ST7: variants seen among roughly 807,000 people sequenced by gnomAD.
The protein encoded by ST7 is suppressor of tumorigenicity 7 protein.
Under a neutral mutation model 78.7 loss-of-function variants are expected in ST7, and 28 were observed. The observed-to-expected ratio is 0.36, with a 90% CI of 0.26 to 0.49. The LOEUF is 0.49. Among genes scored for constraint, ST7 ranks in the 20% least tolerant of loss-of-function variants. The pLI is 0.99. For missense variants in ST7, 418 were observed against 696.0 expected (o/e 0.60, Z 4.49); for synonymous variants, 247 against 249.6 (o/e 0.99, Z 0.10).
chr7:117,098,698 A>G, intron 1 of ST7: 1 of 1,083,536 alleles, frequency 9.2e-7, no homozygotes, highest in African/African-American at 1.7e-5. Flanking sequence ...CTCAGGACAG[A>G]TGCCAAAGCC....
At chr7:117,213,067 C>G (rs916203672) in intron 13 of ST7, among the ~76,000 whole-genome samples, 2 of 152,178 alleles carry the variant, frequency 1.3e-5, no homozygotes, top group Non-Finnish European at 2.9e-5. Context: ...ATACTGAATG[C>G]CATACCCCAC....
At chr7:117,019,026 T>A (rs1228044665) in intron 1 of ST7, among the ~76,000 whole-genome samples, 1 of 152,178 alleles carries the variant, frequency 6.6e-6, no homozygotes, top group East Asian at 1.9e-4. Context: ...ACTAATGATA[T>A]TTTTAGATGT....
intron 1 of ST7, among the ~76,000 whole-genome samples, chr7:116,997,625 C>T (rs990088857): frequency 6.6e-6 from 1 of 151,948 alleles, no homozygotes; most frequent in African/African-American, 2.4e-5. Flanking sequence ...TCCAAGTCTC[C>T]ACTAGATTAG....
chr7:116,953,842 G>A, intron 1 of ST7, 151 bp downstream of exon 1: 1 of 376,076 alleles, frequency 2.7e-6, no homozygotes, highest in Non-Finnish European at 3.6e-6. Context: ...GCAACGCGGC[G>A]GCTTAGGCGG....
At chr7:117,214,431 T>C (rs755971794) in intron 13 of ST7, among the ~76,000 whole-genome samples, 8 of 152,188 alleles carry the variant, frequency 5.3e-5, no homozygotes, top group Non-Finnish European at 1.2e-4. Flanking sequence ...TTCTAATTTA[T>C]TCTCTTTGAA....
At chr7:117,012,435 C>T (rs1325703109) in intron 1 of ST7, among the ~76,000 whole-genome samples, 1 of 152,070 alleles carries the variant, frequency 6.6e-6, no homozygotes, top group Non-Finnish European at 1.5e-5. Flanking sequence ...TGCCTCAGTT[C>T]TTCATCTCTA....
chr7:117,122,380 G>T (rs939523283), intron 3 of ST7, among the ~76,000 whole-genome samples: 6 of 151,994 alleles, frequency 3.9e-5, no homozygotes, highest in Admixed American at 2.0e-4. Context: ...TAGACACAAG[G>T]TTCTGCAATT....
intron 12 of ST7, among the ~76,000 whole-genome samples, chr7:117,195,154 T>TA (rs3840661): frequency 1.4e-4 from 21 of 151,566 alleles, no homozygotes; most frequent in South Asian, 8.3e-4. Flanking sequence ...TTTTACTATT[T>TA]AAAAAAAAAT....
intron 9 of ST7, among the ~76,000 whole-genome samples, chr7:117,161,591 CTT>C (rs60505994): frequency 4.6e-4 from 52 of 113,584 alleles, no homozygotes; most frequent in African/African-American, 1.6e-3. Flanking sequence ...TTCTTTCTTT[CTT>C]TTTTTTTTTT....
intron 1 of ST7, among the ~76,000 whole-genome samples, chr7:117,067,689 A>G (rs1314841983): frequency 4.6e-5 from 7 of 152,162 alleles, no homozygotes; most frequent in Admixed American, 4.6e-4. Flanking sequence ...GACGATGCAA[A>G]GATGGACACA....
At chr7:117,014,951 C>T in intron 1 of ST7, 1 of 1,326,382 alleles carries the variant, frequency 7.5e-7, no homozygotes, top group South Asian at 2.3e-5. Context: ...CATTTTCTGG[C>T]TGATAGAGTT....
rs199932226 is a variant in ST7, at chr7:117,219,073, C to T, written c.1406-11C>T. On this transcript the variant is annotated splice_polypyrimidine_tract_variant and intron_variant, in intron 13 of 15. Transcript: ENST00000323984. The surrounding 1 kb of genome is among the most constrained non-coding windows in gnomAD (Gnocchi z 5.1). ...ATTGGACATCTCTGACATATTTTTT[C>T]TCGTTTTCAGCTTTTCGGATGATCC... The T allele has an allele frequency of 2.7e-4, 432 of 1,601,518 alleles. 3 individuals are homozygous for T. In the African/African-American group the frequency reaches 5.2e-3, roughly 19 times the overall value.
chr7:116,995,333 A>C, intron 1 of ST7, among the ~76,000 whole-genome samples: 1 of 152,332 alleles, frequency 6.6e-6, no homozygotes, highest in Middle Eastern at 3.4e-3. Flanking sequence ...TTTTATGGTA[A>C]TGTACATATA....
intron 1 of ST7, among the ~76,000 whole-genome samples, chr7:117,077,621 A>T (rs1799444154): frequency 6.6e-6 from 1 of 152,216 alleles, no homozygotes; most frequent in African/African-American, 2.4e-5. Context: ...AATAGGTGTT[A>T]TAATGCAAGC....
chr7:117,117,218 C>G (rs1056829729), intron 2 of ST7, among the ~76,000 whole-genome samples: 2 of 152,138 alleles, frequency 1.3e-5, no homozygotes, highest in Non-Finnish European at 2.9e-5. Context: ...AGCGCTGACA[C>G]TTTATGATTC....
At chr7:117,045,046 C>T in intron 1 of ST7, among the ~76,000 whole-genome samples, 1 of 152,166 alleles carries the variant, frequency 6.6e-6, no homozygotes, top group Non-Finnish European at 1.5e-5. Context: ...ATTTCTGACA[C>T]TCCACATGCA....
At chr7:117,105,945 G>A (rs1801917866) in intron 2 of ST7, among the ~76,000 whole-genome samples, 1 of 152,092 alleles carries the variant, frequency 6.6e-6, no homozygotes, top group Admixed American at 6.5e-5. Flanking sequence ...GAAGAAAATC[G>A]AGACTAACAG....
rs1176304397 is a variant in ST7, at chr7:117,064,072, TC to T, written c.152-35689del. ...ATATAGCATTTATTTAAAGGCATTT[TC>T]TATTTTATTACCTTTGGTTTTTTTA... On this transcript the variant is annotated intron_variant, in intron 1 of 15. Coordinates refer to ENST00000323984, the MANE Select transcript of ST7 (RefSeq NM_001369598.1). 4.6e-5 allele frequency among the ~76,000 whole-genome samples: 7 copies of T among 152,342 alleles called. No individual in the cohort carries two copies. The East Asian group carries it at 9.6e-4, about 21-fold the overall frequency.
intron 1 of ST7, among the ~76,000 whole-genome samples, chr7:117,092,619 G>A (rs1036420583): frequency 2.6e-5 from 4 of 152,204 alleles, no homozygotes; most frequent in African/African-American, 9.6e-5. Context: ...AATGAAATGA[G>A]AGAAGATGAT....
Sources: gnomAD v4.1 joint callset for allele counts (sites outside exome capture counted in the v4.1 genomes callset) on GRCh38, gnomAD v4.1.1 for gene constraint, Gnocchi (gnomAD v3.1) non-coding constraint, MANE v1.5 for transcripts, NCBI Gene and HGNC (gene_info 2026-07-23, HGNC 2026-07-21) for gene names.